ADGRV1: variants seen among roughly 807,000 people sequenced by gnomAD.
The protein encoded by ADGRV1 is G-protein coupled receptor 98.
A neutral mutation model predicts 596.2 loss-of-function variants in ADGRV1; 359 were observed. The ratio of observed to expected loss-of-function variants is 0.60; its 90% CI spans 0.55 to 0.66. The LOEUF (loss-of-function observed/expected upper bound fraction) is 0.66, where lower values mean the gene tolerates loss of function less well. ADGRV1 is among the 30% of genes least tolerant of loss of function. ADGRV1 has a pLI of 0.00. For synonymous variants in ADGRV1, 2,681 were observed against 2,679.2 expected (o/e 1.00, Z -0.02); for missense variants, 7,274 against 7,575.6 (o/e 0.96, Z 1.48).
chr5:90,976,475 G>T (rs1217804045), intron 84 of ADGRV1, among the ~76,000 whole-genome samples: 1 of 150,512 alleles, frequency 6.6e-6, no homozygotes, highest in Non-Finnish European at 1.5e-5. Context: ...TTATTTTTTG[G>T]GTATTGTGTT....
intron 48 of ADGRV1, 35 bp downstream of exon 48, chr5:90,725,691 T>G: frequency 9.0e-7 from 1 of 1,114,720 alleles, no homozygotes; most frequent in Non-Finnish European, 1.3e-6. Flanking sequence ...GGTTTTTTTT[T>G]GCTTTTCTTT....
chr5:90,573,890 C>T (rs1756866665), intron 1 of ADGRV1, among the ~76,000 whole-genome samples: 1 of 151,960 alleles, frequency 6.6e-6, no homozygotes, highest in Admixed American at 6.6e-5. Context: ...ATACCAACAC[C>T]ATTTATTGAA....
intron 50 of ADGRV1, among the ~76,000 whole-genome samples, chr5:90,733,212 G>A (rs1370894015): frequency 1.3e-5 from 2 of 152,188 alleles, no homozygotes; most frequent in African/African-American, 2.4e-5. Flanking sequence ...AATGTGGGGA[G>A]CAAAAGTTAT....
intron 74 of ADGRV1, among the ~76,000 whole-genome samples, chr5:90,813,132 C>CAAAAAAAAA (rs5869522): frequency 0.091 from 3,179 of 34,904 alleles, 1,068 homozygotes; most frequent in East Asian, 0.22. Flanking sequence ...GACTCCGTCT[C>CAAAAAAAAA]AAAAAAAAAA....
rs1561667883 is a variant in ADGRV1, at chr5:90,757,050, G to A, written c.11829G>A (p.Arg3943=). The change falls in exon 57 of 90, where the codon CGG becomes CGA. Residue 3943 remains arginine, a synonymous_variant. Coordinates refer to ENST00000405460, the MANE Select transcript of ADGRV1 (RefSeq NM_032119.4). ...ACGTTCTTCAAGTTCCTGTAGTCCG[G>A]CTGGCTGGAAGCTTTGGGGCAGTAA... ...PLNVLQVPVV[R]LAGSFGAVNV... 6.2e-7 allele frequency: 1 copy of A among 1,613,830 alleles called. No individual in the cohort carries two copies.
chr5:91,033,753 T>C (rs760984003), intron 85 of ADGRV1, among the ~76,000 whole-genome samples: 5 of 152,226 alleles, frequency 3.3e-5, no homozygotes, highest in African/African-American at 7.2e-5. Flanking sequence ...TGATTCCAAA[T>C]TTTGAGTTAC....
chr5:90,569,375 A>ATTTTTTTTT (rs1756126319), intron 1 of ADGRV1, among the ~76,000 whole-genome samples: 1 of 20,956 alleles, frequency 4.8e-5, no homozygotes, highest in African/African-American at 2.7e-4. Flanking sequence ...ATATATATAT[A>ATTTTTTTTT]TATATATATA....
intron 85 of ADGRV1, among the ~76,000 whole-genome samples, chr5:91,002,825 T>G (rs926023165): frequency 6.6e-6 from 1 of 152,184 alleles, no homozygotes; most frequent in Non-Finnish European, 1.5e-5. Flanking sequence ...AGAGCCTAAT[T>G]TTAAATGTAT....
chr5:91,052,046 A>G (rs948769435), intron 85 of ADGRV1, among the ~76,000 whole-genome samples: 4 of 152,220 alleles, frequency 2.6e-5, no homozygotes, highest in Admixed American at 6.5e-5. Flanking sequence ...AATAATTATT[A>G]CAGCCAAAAC....
intron 27 of ADGRV1, 132 bp from the exon 28 acceptor site, chr5:90,683,454 C>T: frequency 1.4e-6 from 1 of 695,780 alleles, no homozygotes; most frequent in Non-Finnish European, 2.3e-6. Flanking sequence ...CCCCTGCCTG[C>T]AGCAGTCTTG....
intron 83 of ADGRV1, among the ~76,000 whole-genome samples, chr5:90,880,311 C>CATGA (rs1180809368): frequency 3.9e-5 from 6 of 152,142 alleles, no homozygotes; most frequent in Non-Finnish European, 8.8e-5. Context: ...ATCATACATA[C>CATGA]ATGAATGTAT....
chr5:90,767,196 A>T (rs1302352443), intron 59 of ADGRV1, among the ~76,000 whole-genome samples: 1 of 152,240 alleles, frequency 6.6e-6, no homozygotes, highest in African/African-American at 2.4e-5. Flanking sequence ...TAAATAAGGC[A>T]GTGTGATATT....
Position 90,786,434 on chromosome 5 carries a change from G to A in ADGRV1, c.13654-1637G>A, listed in dbSNP as rs189701355. The stretch of plus-strand genomic sequence containing the variant: ...AAGATTTCATTCTAAGTGCAAATAG[G>A]ATGCCATTAGAAAATCGTAAGCCAG... On this transcript the variant is annotated intron_variant, in intron 67 of 89. Coordinates refer to ENST00000405460, the MANE Select transcript of ADGRV1 (RefSeq NM_032119.4). 3.4e-3 allele frequency among the ~76,000 whole-genome samples: 522 copies of A among 152,230 alleles called. 3 individuals are homozygous for A. Among genetic ancestry groups the A allele is most frequent in the Non-Finnish European group, 5.8e-3 (397 of 67,998 alleles).
chr5:90,688,444 G>C (rs1038949113), intron 29 of ADGRV1, among the ~76,000 whole-genome samples: 3 of 152,066 alleles, frequency 2.0e-5, no homozygotes, highest in African/African-American at 7.2e-5. Context: ...TGCAATGTCC[G>C]CCTCCCGGGT....
At chr5:90,600,313 C>T (rs374382313) in intron 1 of ADGRV1, among the ~76,000 whole-genome samples, 1 of 152,280 alleles carries the variant, frequency 6.6e-6, no homozygotes, top group East Asian at 1.9e-4. Context: ...CTTCCCCCCA[C>T]CTCACAACAG....
intron 78 of ADGRV1, among the ~76,000 whole-genome samples, chr5:90,845,895 T>G (rs954143823): frequency 6.6e-6 from 1 of 152,234 alleles, no homozygotes; most frequent in Admixed American, 6.5e-5. Context: ...CTTGTTTCAG[T>G]ATCCAGTGGT....
chr5:91,015,229 A>C (rs978431963), intron 85 of ADGRV1, among the ~76,000 whole-genome samples: 1 of 152,046 alleles, frequency 6.6e-6, no homozygotes, highest in African/African-American at 2.4e-5. Flanking sequence ...TTTTTACTGC[A>C]CTGTGGTTTG....
Position 90,676,112 on chromosome 5 carries a change from A to G in ADGRV1, c.5346A>G (p.Gly1782=), listed in dbSNP as rs10067298. 3.9e-3 allele frequency: 6,183 copies of G among 1,603,616 alleles called. 198 individuals carry two copies. In the African/African-American group the frequency reaches 0.073, roughly 19 times the overall value. ...NVAGTLEFQP[G]ERYKYIFINI... ...CTGGCACATTAGAATTTCAACCAGG[A>G]GAAAGATATAAATACATTTTCATAA... The change falls in exon 25 of 90, where the codon GGA becomes GGG. Residue 1782 remains glycine (G), a synonymous_variant. Coordinates refer to ENST00000405460, the MANE Select transcript of ADGRV1 (RefSeq NM_032119.4).
chr5:91,055,978 G>A (rs1786809913), intron 85 of ADGRV1, among the ~76,000 whole-genome samples: 1 of 152,148 alleles, frequency 6.6e-6, no homozygotes, highest in Admixed American at 6.5e-5. Context: ...ATGAACTGTT[G>A]GAAAGCATTT....
Sources: gnomAD v4.1 joint callset for allele counts (sites outside exome capture counted in the v4.1 genomes callset) on GRCh38, gnomAD v4.1.1 for gene constraint, MANE v1.5 for transcripts, NCBI Gene and HGNC (gene_info 2026-07-23, HGNC 2026-07-21) for gene names.